Variants in MEP1A observed in about 807,000 individuals in gnomAD.
MEP1A encodes the protein N-benzoyl-L-tyrosyl-P-amino-benzoic acid hydrolase subunit alpha.
In MEP1A, 68 loss-of-function variants were observed where a neutral mutation model predicts 84.5. That is an observed-to-expected ratio of 0.80 (90% CI 0.66 to 0.98). MEP1A has a LOEUF of 0.98. Among genes scored for constraint, MEP1A ranks in the 50% least tolerant of loss-of-function variants. The pLI is 0.00. For missense variants in MEP1A, 887 were observed against 919.9 expected (o/e 0.96, Z 0.46); for synonymous variants, 337 against 336.8 (o/e 1.00, Z -0.01).
intron 11 of MEP1A, among the ~76,000 whole-genome samples, chr6:46,834,038 G>T (rs1025233935): frequency 6.7e-6 from 1 of 150,194 alleles, no homozygotes; most frequent in East Asian, 2.0e-4. Flanking sequence ...ATGTAATGGC[G>T]CATTCTCGGC....
intron 3 of MEP1A, among the ~76,000 whole-genome samples, chr6:46,795,191 C>A (rs538898149): frequency 6.6e-6 from 1 of 152,206 alleles, no homozygotes; most frequent in African/African-American, 2.4e-5. Context: ...TCTAGATTTT[C>A]GGCTCAGAAT....
chr6:46,844,517 C>A (rs1768382136), downstream of MEP1A, among the ~76,000 whole-genome samples: 2 of 152,050 alleles, frequency 1.3e-5, no homozygotes, highest in African/African-American at 2.4e-5. Flanking sequence ...AAATGTAGGA[C>A]AAATTGACCC....
chr6:46,796,856 C>T (rs540229895), intron 3 of MEP1A, among the ~76,000 whole-genome samples: 24 of 152,306 alleles, frequency 1.6e-4, no homozygotes, highest in African/African-American at 5.3e-4. Flanking sequence ...CAGATTTTTG[C>T]TCAGGACAAA....
chr6:46,797,426 G>A (rs1316970849), intron 3 of MEP1A, among the ~76,000 whole-genome samples: 1 of 152,336 alleles, frequency 6.6e-6, no homozygotes, highest in East Asian at 1.9e-4. Context: ...GATGAGGCAA[G>A]GATTAAGCAA....
intron 5 of MEP1A, among the ~76,000 whole-genome samples, chr6:46,803,109 G>T (rs975511136): frequency 6.6e-6 from 1 of 150,790 alleles, no homozygotes; most frequent in Non-Finnish European, 1.5e-5. Context: ...CTTAAATGTT[G>T]GTAAAAATCA....
chr6:46,804,365 C>T (rs919814409), intron 5 of MEP1A, among the ~76,000 whole-genome samples: 2 of 151,656 alleles, frequency 1.3e-5, no homozygotes, highest in Non-Finnish European at 3.0e-5. Flanking sequence ...TGTTTTCCAA[C>T]ATTTGATTAT....
intron 6 of MEP1A, among the ~76,000 whole-genome samples, chr6:46,818,994 C>A (rs1204989780): frequency 1.0e-5 from 1 of 96,512 alleles, no homozygotes; most frequent in East Asian, 2.3e-4. Flanking sequence ...GCCTGTGGTT[C>A]CAAGTCCCAG....
intron 9 of MEP1A, among the ~76,000 whole-genome samples, chr6:46,828,729 T>G (rs1283311445): frequency 6.6e-6 from 1 of 152,302 alleles, no homozygotes. Context: ...TCTCTGGCAC[T>G]AATGTAGACA....
At chr6:46,799,590 A>C (rs1221435713) in intron 5 of MEP1A, among the ~76,000 whole-genome samples, 1 of 152,162 alleles carries the variant, frequency 6.6e-6, no homozygotes, top group African/African-American at 2.4e-5. Flanking sequence ...CCACACTTTG[A>C]GAAATAGGAA....
chr6:46,808,143 C>CT (rs150828939), intron 5 of MEP1A, among the ~76,000 whole-genome samples: 5,976 of 151,608 alleles, frequency 0.039, 414 homozygotes, highest in African/African-American at 0.14. Flanking sequence ...AGTATAATCA[C>CT]TTTTTTTTTC....
At chr6:46,817,149 T>A (rs1208784223) in intron 6 of MEP1A, among the ~76,000 whole-genome samples, 1 of 152,148 alleles carries the variant, frequency 6.6e-6, no homozygotes, top group African/African-American at 2.4e-5. Flanking sequence ...TGTGAAAAAG[T>A]GTATTTATCA....
intron 9 of MEP1A, among the ~76,000 whole-genome samples, chr6:46,828,803 G>A (rs1768006123): frequency 6.6e-6 from 1 of 152,098 alleles, no homozygotes; most frequent in African/African-American, 2.4e-5. Flanking sequence ...TTTCCATTTA[G>A]TCTCTAATGT....
At chr6:46,831,866 T>G (rs1230632063) in intron 10 of MEP1A, among the ~76,000 whole-genome samples, 1 of 152,168 alleles carries the variant, frequency 6.6e-6, no homozygotes, top group Non-Finnish European at 1.5e-5. Flanking sequence ...GCTGCCTAGA[T>G]TTGTATGTTA....
intron 5 of MEP1A, among the ~76,000 whole-genome samples, chr6:46,807,840 G>GAAGAAAGAAAGAAAGAAAGGAAGA (rs1333175785): frequency 4.6e-5 from 5 of 107,782 alleles, no homozygotes; most frequent in African/African-American, 1.5e-4. Flanking sequence ...AGAAAGAAAG[G>GAAGAAAGAAAGAAAGAAAGGAAGA]AAGAAAGGAA....
At chr6:46,807,840 G>GGAAGAAAGAAAGGAAGA (rs1562107181) in intron 5 of MEP1A, among the ~76,000 whole-genome samples, 1 of 107,782 alleles carries the variant, frequency 9.3e-6, no homozygotes, top group Non-Finnish European at 2.2e-5. Context: ...AGAAAGAAAG[G>GGAAGAAAGAAAGGAAGA]AAGAAAGGAA....
chr6:46,808,508 C>T (rs1188057678), intron 5 of MEP1A, among the ~76,000 whole-genome samples: 1 of 152,076 alleles, frequency 6.6e-6, no homozygotes. Flanking sequence ...TTTTATATAA[C>T]TTGGCTTAAT....
intron 10 of MEP1A, among the ~76,000 whole-genome samples, chr6:46,831,844 C>T (rs1191648462): frequency 6.6e-6 from 1 of 152,184 alleles, no homozygotes; most frequent in Admixed American, 6.5e-5. Context: ...ATGCTCTCCG[C>T]AGGAGAGGGC....
intron 9 of MEP1A, among the ~76,000 whole-genome samples, chr6:46,828,315 G>A (rs1224601240): frequency 6.6e-6 from 1 of 150,930 alleles, no homozygotes; most frequent in Non-Finnish European, 1.5e-5. Flanking sequence ...ATATTGAGAA[G>A]AAGATACAAG....
chr6:46,845,896 A>C, the MEP1A span, among the ~76,000 whole-genome samples: 3 of 152,206 alleles, frequency 2.0e-5, no homozygotes, highest in Non-Finnish European at 4.4e-5. Flanking sequence ...CTTAATTAAC[A>C]CCACTGTTAT....
Sources: allele counts gnomAD v4.1 joint callset (sites outside exome capture counted in the v4.1 genomes callset), GRCh38; gene constraint gnomAD v4.1.1; transcripts MANE v1.5; gene names NCBI Gene and HGNC (gene_info 2026-07-23, HGNC 2026-07-21).